The following AGMO variants were observed in gnomAD, a reference collection of about 807,000 sequenced individuals.
AGMO encodes glyceryl-ether monooxygenase.
Under a neutral mutation model 60.2 loss-of-function variants are expected in AGMO, and 75 were observed. The ratio of observed to expected loss-of-function variants is 1.25; its 90% CI spans 1.03 to 1.51. The LOEUF is 1.51. AGMO is among the 40% of genes most tolerant of loss of function. AGMO has a pLI of 0.00. For missense variants in AGMO, 763 were observed against 525.5 expected, an observed-to-expected ratio of 1.45 and a Z score of -4.42; for synonymous variants, 261 against 177.1, an observed-to-expected ratio of 1.47 and a Z score of -3.76.
intron 3 of AGMO, among the ~76,000 whole-genome samples, chr7:15,542,504 T>C (rs1420573217): frequency 1.3e-5 from 2 of 152,210 alleles, no homozygotes; most frequent in African/African-American, 4.8e-5. Context: ...TTTCCTGTTA[T>C]AATGGGCTTT....
chr7:15,147,646 G>A, the AGMO span, among the ~76,000 whole-genome samples: 1 of 152,084 alleles, frequency 6.6e-6, no homozygotes, highest in Non-Finnish European at 1.5e-5. Context: ...TTAAATTTCA[G>A]AGCTACAGCC....
chr7:15,238,806 T>C (rs916282985), intron 12 of AGMO, among the ~76,000 whole-genome samples: 1 of 152,024 alleles, frequency 6.6e-6, no homozygotes, highest in Non-Finnish European at 1.5e-5. Context: ...TGCAATAAAA[T>C]GTCATAGAAA....
chr7:15,402,927 A>C (rs533641544), intron 5 of AGMO, among the ~76,000 whole-genome samples: 1 of 151,928 alleles, frequency 6.6e-6, no homozygotes, highest in African/African-American at 2.4e-5. Flanking sequence ...TTAAAAGTGA[A>C]AAGAAATGAT....
At chr7:15,547,251 T>G (rs1784806733) in intron 2 of AGMO, among the ~76,000 whole-genome samples, 1 of 152,054 alleles carries the variant, frequency 6.6e-6, no homozygotes, top group South Asian at 2.1e-4. Context: ...GGAGCAAAAT[T>G]TTCCCCAGTT....
At chr7:15,284,619 C>T (rs977360806) in intron 12 of AGMO, among the ~76,000 whole-genome samples, 11 of 151,908 alleles carry the variant, frequency 7.2e-5, no homozygotes, top group African/African-American at 2.7e-4. Context: ...CCAGATGGAT[C>T]CACAGCTAAA....
At chr7:15,421,455 T>C (rs1200820611) in intron 4 of AGMO, among the ~76,000 whole-genome samples, 2 of 152,114 alleles carry the variant, frequency 1.3e-5, no homozygotes, top group African/African-American at 4.8e-5. Context: ...TATAAAAATA[T>C]GTTTGGAACC....
intron 12 of AGMO, among the ~76,000 whole-genome samples, chr7:15,342,102 T>C (rs1476876924): frequency 7.2e-6 from 1 of 138,910 alleles, no homozygotes; most frequent in African/African-American, 2.7e-5. Context: ...AGGATGCATT[T>C]AGAAAGCATT....
intron 10 of AGMO, among the ~76,000 whole-genome samples, chr7:15,373,142 G>A (rs1005987818): frequency 1.3e-5 from 2 of 152,014 alleles, no homozygotes; most frequent in African/African-American, 4.8e-5. Context: ...GGGCATGGTG[G>A]CGGTACTTGC....
intron 8 of AGMO, 54 bp downstream of exon 8, chr7:15,390,615 CTA>C (rs1784098454): frequency 7.4e-7 from 1 of 1,358,208 alleles, no homozygotes; most frequent in Non-Finnish European, 1.0e-6. Flanking sequence ...TTTCTCTTAA[CTA>C]TAAGATTTAT....
the AGMO span, among the ~76,000 whole-genome samples, chr7:15,166,611 T>G: frequency 6.6e-6 from 1 of 152,070 alleles, no homozygotes; most frequent in Non-Finnish European, 1.5e-5. Context: ...ATTAAGAAGA[T>G]TACTTAAGGA....
intron 12 of AGMO, among the ~76,000 whole-genome samples, chr7:15,316,540 G>A (rs1780930876): frequency 6.6e-6 from 1 of 152,082 alleles, no homozygotes; most frequent in Non-Finnish European, 1.5e-5. Flanking sequence ...ACAGGCCCTA[G>A]GTTCATCTTT....
At chr7:15,299,487 G>T (rs926059741) in intron 12 of AGMO, among the ~76,000 whole-genome samples, 14 of 152,184 alleles carry the variant, frequency 9.2e-5, no homozygotes, top group African/African-American at 3.1e-4. Flanking sequence ...CATTTCTCAT[G>T]CGAGCATTCA....
At chr7:15,503,296 G>GT (rs1215631323) in intron 3 of AGMO, among the ~76,000 whole-genome samples, 1 of 151,808 alleles carries the variant, frequency 6.6e-6, no homozygotes, top group African/African-American at 2.4e-5. Context: ...TGAGAGGGAG[G>GT]TTTTATTATC....
intron 12 of AGMO, among the ~76,000 whole-genome samples, chr7:15,209,378 G>T (rs1410693249): frequency 8.0e-6 from 1 of 124,276 alleles, no homozygotes; most frequent in Non-Finnish European, 1.6e-5. Flanking sequence ...ACAAAAAAAA[G>T]TCTCAAAAAA....
chr7:15,560,339 T>G, intron 1 of AGMO, 68 bp from the exon 2 acceptor site: 1 of 1,531,244 alleles, frequency 6.5e-7, no homozygotes, highest in Non-Finnish European at 8.8e-7. Context: ...ATTTCCTGAT[T>G]AGTCATTTCA....
chr7:15,123,928 AC>A, the AGMO span, among the ~76,000 whole-genome samples: 2 of 152,196 alleles, frequency 1.3e-5, no homozygotes, highest in South Asian at 2.1e-4. Flanking sequence ...TACTCAGATA[AC>A]TTTTTGTAGC....
At chr7:15,119,820 A>G in the AGMO span, among the ~76,000 whole-genome samples, 1 of 152,166 alleles carries the variant, frequency 6.6e-6, no homozygotes, top group African/African-American at 2.4e-5. Context: ...GAAAATGGAA[A>G]CAATTAGAAA....
chr7:15,494,724 T>C (rs949234971), intron 3 of AGMO, among the ~76,000 whole-genome samples: 1 of 152,180 alleles, frequency 6.6e-6, no homozygotes, highest in Non-Finnish European at 1.5e-5. Flanking sequence ...CTCTTAAGTA[T>C]AACAGAAAAG....
chr7:15,250,621 A>G (rs550844571), intron 12 of AGMO, among the ~76,000 whole-genome samples: 23 of 152,250 alleles, frequency 1.5e-4, no homozygotes, highest in African/African-American at 5.5e-4. Flanking sequence ...GCAGATATAA[A>G]TATGAAACTG....
Sources: allele counts gnomAD v4.1 joint callset (sites outside exome capture counted in the v4.1 genomes callset), GRCh38; gene constraint gnomAD v4.1.1; transcripts MANE v1.5; gene names NCBI Gene and HGNC (gene_info 2026-07-23, HGNC 2026-07-21).